The following ACYP2 variants were observed in gnomAD, a reference collection of about 807,000 sequenced individuals.
ACYP2 encodes the protein acylphosphatase-2.
In ACYP2, 12 loss-of-function variants were observed where a neutral mutation model predicts 11.2. The ratio of observed to expected loss-of-function variants is 1.08; its 90% CI spans 0.69 to 1.74. The LOEUF (loss-of-function observed/expected upper bound fraction) is 1.74, where lower values mean the gene tolerates loss of function less well. Among genes scored for constraint, ACYP2 ranks in the 40% most tolerant of loss-of-function variants. ACYP2 has a pLI of 0.00. For synonymous variants in ACYP2, 43 were observed against 32.2 expected, an observed-to-expected ratio of 1.33 and a Z score of -1.13; for missense variants, 134 against 101.9, an observed-to-expected ratio of 1.31 and a Z score of -1.35.
intron 6 of ACYP2, among the ~76,000 whole-genome samples, chr2:54,185,426 G>A (rs983767654): frequency 6.6e-6 from 1 of 152,088 alleles, no homozygotes; most frequent in African/African-American, 2.4e-5. Context: ...TGGTATTGAG[G>A]GCCATTGTTT....
At chr2:54,205,979 A>G (rs1685057038) in intron 6 of ACYP2, among the ~76,000 whole-genome samples, 1 of 152,184 alleles carries the variant, frequency 6.6e-6, no homozygotes, top group African/African-American at 2.4e-5. Context: ...TCTCTTTAAT[A>G]ATTCCTATAT....
At chr2:54,162,962 C>G (rs1682789854) in intron 6 of ACYP2, among the ~76,000 whole-genome samples, 1 of 152,086 alleles carries the variant, frequency 6.6e-6, no homozygotes, top group Admixed American at 6.5e-5. Context: ...CAGTCTGGAG[C>G]CAGAGTGAGA....
At chr2:54,105,703 G>A (rs549500274) in intron 4 of ACYP2, among the ~76,000 whole-genome samples, 4 of 151,752 alleles carry the variant, frequency 2.6e-5, no homozygotes, top group Admixed American at 6.6e-5. Context: ...CATGTTGCCC[G>A]GGCTGGTCTC....
rs112080743 is a variant in ACYP2, at chr2:54,210,298, A to T, written c.404+71550A>T. Among the ~76,000 whole-genome samples, 614 of 152,198 alleles carry T rather than the reference A, an allele frequency of 4.0e-3. 6 individuals are homozygous for T. Among genetic ancestry groups the T allele is most frequent in the African/African-American group, 0.014 (586 of 41,532 alleles). ...TCTTTTAGAAAAATAAAATCCCTGG[A>T]CTTCCAATGTTGACTGAAATTGCTT... On this transcript the variant is annotated intron_variant, in intron 6 of 6. Transcript: ENST00000607452.
chr2:54,219,905 A>ATATATTT (rs1288814375), intron 6 of ACYP2, among the ~76,000 whole-genome samples: 26 of 75,984 alleles, frequency 3.4e-4, no homozygotes, highest in Non-Finnish European at 4.1e-4. Flanking sequence ...ATATATATAT[A>ATATATTT]TTTTTTTTTT....
Position 54,129,867 on chromosome 2 carries a change from A to T in ACYP2, c.278-5586A>T, listed in dbSNP as rs1008497278. Among the ~76,000 whole-genome samples the T allele has an allele frequency of 2.0e-5, 3 of 148,398 alleles. No homozygotes were observed. The East Asian group carries it at 5.8e-4, about 29-fold the overall frequency. On this transcript the variant is annotated intron_variant, in intron 4 of 6. Coordinates refer to ENST00000607452, the MANE Select transcript of ACYP2 (RefSeq NM_001320586.2). ...TAACAATAAATATAATATATAATCAATATGTTAATATTATTAATGATATTA... is the reference window on the plus strand; with the variant it reads ...TAACAATAAATATAATATATAATCATTATGTTAATATTATTAATGATATTA...
At chr2:54,183,758 A>G (rs898073541) in intron 6 of ACYP2, among the ~76,000 whole-genome samples, 4 of 152,200 alleles carry the variant, frequency 2.6e-5, no homozygotes, top group Admixed American at 2.6e-4. Context: ...ACTACCAATT[A>G]TAATTTATGA....
At chr2:54,298,569 C>T (rs1689608253) in intron 6 of ACYP2, among the ~76,000 whole-genome samples, 1 of 152,186 alleles carries the variant, frequency 6.6e-6, no homozygotes, top group Admixed American at 6.5e-5. Flanking sequence ...GTAAGCATTG[C>T]AGGCTACCAA....
chr2:53,984,630 T>C (rs1044833323), intron 2 of ACYP2, among the ~76,000 whole-genome samples: 3 of 149,500 alleles, frequency 2.0e-5, no homozygotes, highest in African/African-American at 7.3e-5. Context: ...TATTATATAT[T>C]ATATATATAG....
chr2:54,103,135 C>G (rs1302187536), intron 4 of ACYP2, among the ~76,000 whole-genome samples: 1 of 151,650 alleles, frequency 6.6e-6, no homozygotes, highest in African/African-American at 2.4e-5. Context: ...AGAGTGGATA[C>G]TGTGCCAGCA....
chr2:54,100,085 A>G (rs1678812463), intron 4 of ACYP2, among the ~76,000 whole-genome samples: 1 of 152,152 alleles, frequency 6.6e-6, no homozygotes, highest in South Asian at 2.1e-4. Context: ...GGTGTATCAC[A>G]TACTCTTTTC....
chr2:54,241,755 G>A (rs987190726), intron 6 of ACYP2, among the ~76,000 whole-genome samples: 1 of 152,238 alleles, frequency 6.6e-6, no homozygotes, highest in African/African-American at 2.4e-5. Flanking sequence ...GCTCACGCCT[G>A]TAATCCCAGC....
intron 6 of ACYP2, among the ~76,000 whole-genome samples, chr2:54,293,889 C>T (rs1689416279): frequency 6.6e-6 from 1 of 151,988 alleles, no homozygotes; most frequent in African/African-American, 2.4e-5. Context: ...ATTATTTGTC[C>T]ACATGTAACT....
At chr2:53,994,996 G>C (rs917310528) in intron 2 of ACYP2, among the ~76,000 whole-genome samples, 2 of 152,118 alleles carry the variant, frequency 1.3e-5, no homozygotes, top group Non-Finnish European at 2.9e-5. Flanking sequence ...TTTCAACACC[G>C]CTATGACAAG....
At chr2:53,993,290 A>G (rs950751849) in intron 2 of ACYP2, among the ~76,000 whole-genome samples, 1 of 152,102 alleles carries the variant, frequency 6.6e-6, no homozygotes, top group Non-Finnish European at 1.5e-5. Flanking sequence ...AAAGAGAGAG[A>G]TGATGGTGTG....
chr2:53,990,736 C>T (rs1672250022), intron 2 of ACYP2, among the ~76,000 whole-genome samples: 1 of 150,892 alleles, frequency 6.6e-6, no homozygotes, highest in Non-Finnish European at 1.5e-5. Context: ...AGAGCTTCTA[C>T]TGTCAGAGTT....
At chr2:54,290,888 G>A (rs1386464418) in intron 6 of ACYP2, among the ~76,000 whole-genome samples, 2 of 152,132 alleles carry the variant, frequency 1.3e-5, no homozygotes, top group Admixed American at 6.5e-5. Context: ...AGACAAAGGC[G>A]CTCGTAAATA....
intron 6 of ACYP2, among the ~76,000 whole-genome samples, chr2:54,300,729 T>C (rs964092): frequency 0.13 from 19,538 of 152,270 alleles, 1,840 homozygotes; most frequent in African/African-American, 0.26. Flanking sequence ...TATGACAGTA[T>C]GTTTGTAAGA....
intron 4 of ACYP2, among the ~76,000 whole-genome samples, chr2:54,060,697 G>A (rs1676424780): frequency 6.6e-6 from 1 of 152,148 alleles, no homozygotes; most frequent in African/African-American, 2.4e-5. Context: ...CCCATGTGTA[G>A]TCATAAGGCA....
Sources: allele counts gnomAD v4.1 joint callset (sites outside exome capture counted in the v4.1 genomes callset), GRCh38; gene constraint gnomAD v4.1.1; transcripts MANE v1.5; gene names NCBI Gene and HGNC (gene_info 2026-07-23, HGNC 2026-07-21).